The following EVI5 variants were observed in gnomAD, a reference collection of about 807,000 sequenced individuals.
EVI5 encodes ecotropic viral integration site 5.
EVI5 carries 73 observed loss-of-function variants against 112.0 expected under a neutral mutation model. The ratio of observed to expected loss-of-function variants is 0.65; its 90% CI spans 0.54 to 0.79. EVI5 has a LOEUF of 0.79. Ranked by LOEUF, EVI5 falls within the 30% of genes least tolerant of loss-of-function variation. The pLI is 0.00. For synonymous variants in EVI5, 305 were observed against 319.9 expected (o/e 0.95, Z 0.50); for missense variants, 900 against 968.8 (o/e 0.93, Z 0.94).
In EVI5 at chr1:92,595,471, C is replaced by T. The variant is rs192045434; in HGVS notation, c.2070+9836G>A. The stretch of plus-strand genomic sequence containing the variant: ...AGGAGATATACCTAATGTTAAATGA[C>T]GAGTTAATGGGTGCAGCACACCAGC... On this transcript the variant is annotated intron_variant, in intron 18 of 19. Coordinates refer to ENST00000684568, the MANE Select transcript of EVI5 (RefSeq NM_001350197.2). Among the ~76,000 whole-genome samples the T allele has an allele frequency of 2.1e-3, 327 of 152,154 alleles. 3 individuals are homozygous for T. The highest frequency in any genetic ancestry group is 7.4e-3 in the African/African-American group (309 of 41,522).
chr1:92,548,725 A>T lies in EVI5; in HGVS notation c.2166+14917T>A, dbSNP rs140194391. On this transcript the variant is annotated intron_variant, in intron 19 of 19. Coordinates refer to ENST00000684568, the MANE Select transcript of EVI5 (RefSeq NM_001350197.2). ...TAACAGACAAACAGAGAGCCAAATC[A>T]TGAGTGAACTCCTATTCACTATTGC... Among the ~76,000 whole-genome samples, 697 of 152,354 alleles carry T rather than the reference A, an allele frequency of 4.6e-3. 6 individuals carry two copies. Among genetic ancestry groups the T allele is most frequent in the African/African-American group, 0.016 (661 of 41,578 alleles).
rs539526721 is a variant in EVI5 at position 92,549,092 on chromosome 1, A to C, written c.2166+14550T>G. ...TGGAGGCATCACGCTACCTGACTTC[A>C]AACTATACTACAAGGCTACAGTAAC... On this transcript the variant is annotated intron_variant, in intron 19 of 19. Transcript: ENST00000684568. 1.1e-3 allele frequency among the ~76,000 whole-genome samples: 171 copies of C among 152,340 alleles called. 2 individuals are homozygous for C. In the East Asian group the frequency reaches 0.028, roughly 25 times the overall value.
chr1:92,784,992 G>A lies in EVI5; in HGVS notation c.-238C>T. 1.0e-6 allele frequency: 1 copy of A among 985,412 alleles called. No homozygotes were observed. Among genetic ancestry groups the A allele is most frequent in the Non-Finnish European group, 1.2e-6 (1 of 830,024 alleles). 61.0% of individuals were successfully genotyped at this position (985,412 alleles called of 1,614,324 possible). ...CACGCTCACTCAGAAGCTCAGGGCC[G>A]CCTCGCGACCCTCACCTACCCCTCC... On this transcript the variant is annotated 5_prime_UTR_variant, in exon 1 of 20. Coordinates refer to ENST00000684568, the MANE Select transcript of EVI5 (RefSeq NM_001350197.2).
chr1:92,661,428 TA>T (rs1479453547), intron 13 of EVI5, among the ~76,000 whole-genome samples: 2 of 152,120 alleles, frequency 1.3e-5, no homozygotes, highest in African/African-American at 4.8e-5. Context: ...AAAAACAATG[TA>T]AAAAATTTAA....
Position 92,509,387 on chromosome 1 carries a change from T to G in EVI5, c.*4269A>C, listed in dbSNP as rs1417613225. 1 of 152,596 alleles carries G rather than the reference T, an allele frequency of 6.6e-6. No homozygotes were observed. The highest frequency in any genetic ancestry group is 2.4e-5 in the African/African-American group (1 of 41,370). 9.5% of individuals were successfully genotyped at this position (152,596 alleles called of 1,614,324 possible). A position where few individuals can be genotyped will look rare whatever the true frequency, so the allele number is the denominator to read the frequency against. The stretch of plus-strand genomic sequence containing the variant: ...AGAAACCTGTCATCTCAGCAAACAC[T>G]GAATACCTAGTATCTAGCCAAAAAA... On this transcript the variant is annotated 3_prime_UTR_variant, in exon 20 of 20. Coordinates refer to ENST00000684568, the MANE Select transcript of EVI5 (RefSeq NM_001350197.2).
At chr1:92,560,463 A>G (rs973626537) in intron 19 of EVI5, among the ~76,000 whole-genome samples, 1 of 152,194 alleles carries the variant, frequency 6.6e-6, no homozygotes, top group Admixed American at 6.5e-5. Context: ...TAGTACCTAC[A>G]TGAGTGTGAT....
At chr1:92,735,763 TA>T (rs1177525198) in intron 2 of EVI5, among the ~76,000 whole-genome samples, 3 of 144,168 alleles carry the variant, frequency 2.1e-5, no homozygotes, top group African/African-American at 7.5e-5. Context: ...TATAATATGA[TA>T]TATGTTATAT....
Position 92,703,428 on chromosome 1 carries a change from GCTAT to G in EVI5, c.527_530del (p.Asp176AlafsTer10), listed in dbSNP as rs1671503836. Reference sequence around the variant, plus strand: ...CATTAAATAAAACCTCCTGTCCAAGGCTATCTTTTTCCTTAAAAAAGTTGTGTTC... The same window carrying G: ...CATTAAATAAAACCTCCTGTCCAAGGCTTTTTCCTTAAAAAAGTTGTGTTC... On this transcript the variant is annotated frameshift_variant, in exon 4 of 20. Transcript: ENST00000684568. LOFTEE classifies it high-confidence loss of function. 14 of 1,581,060 alleles carry G rather than the reference GCTAT, an allele frequency of 8.9e-6. No individual in the cohort carries two copies. The East Asian group carries it at 1.8e-4, about 21-fold the overall frequency.
chr1:92,731,682 T>C (rs1407809209), intron 2 of EVI5, among the ~76,000 whole-genome samples: 1 of 152,196 alleles, frequency 6.6e-6, no homozygotes, highest in African/African-American at 2.4e-5. Flanking sequence ...AGTATAGTGC[T>C]AGTATTAAGA....
intron 19 of EVI5, among the ~76,000 whole-genome samples, chr1:92,546,062 A>G (rs1456543517): frequency 6.6e-6 from 1 of 152,078 alleles, no homozygotes; most frequent in African/African-American, 2.4e-5. Flanking sequence ...TTATCAGTCT[A>G]AACTCATCAA....
intron 18 of EVI5, among the ~76,000 whole-genome samples, chr1:92,592,403 T>A (rs563388999): frequency 1.6e-3 from 238 of 152,334 alleles, no homozygotes; most frequent in Non-Finnish European, 2.8e-3. Context: ...CCAGAATCTC[T>A]GGGACACATT....
intron 2 of EVI5, chr1:92,733,251 T>TA (rs1676783945): frequency 4.9e-6 from 1 of 203,822 alleles, no homozygotes; most frequent in African/African-American, 2.3e-5. Flanking sequence ...TGTTGAATCT[T>TA]ACTTGGAATA....
chr1:92,777,932 G>A (rs535352851), intron 1 of EVI5, among the ~76,000 whole-genome samples: 45 of 149,380 alleles, frequency 3.0e-4, no homozygotes, highest in African/African-American at 1.1e-3. Context: ...TTTTTGTGAC[G>A]GAGTGTCACT....
At chr1:92,563,848 A>G in intron 18 of EVI5, 111 bp from the exon 19 acceptor site, 2 of 527,770 alleles carry the variant, frequency 3.8e-6, no homozygotes, top group Non-Finnish European at 6.8e-6. Context: ...TAATCACCTG[A>G]ATTCTGAACA....
chr1:92,765,201 AT>A (rs962961289), intron 1 of EVI5, among the ~76,000 whole-genome samples: 29 of 134,736 alleles, frequency 2.2e-4, no homozygotes, highest in South Asian at 7.3e-4. Flanking sequence ...AGGTTTCTGC[AT>A]TTTTTTTCCT....
chr1:92,675,068 C>T (rs914332387), intron 10 of EVI5, among the ~76,000 whole-genome samples: 4 of 152,206 alleles, frequency 2.6e-5, no homozygotes, highest in Admixed American at 6.5e-5. Flanking sequence ...AATGGCTGGG[C>T]GTGGTGGCTC....
At chr1:92,767,868 C>A (rs184675204) in intron 1 of EVI5, among the ~76,000 whole-genome samples, 1 of 152,060 alleles carries the variant, frequency 6.6e-6, no homozygotes, top group Non-Finnish European at 1.5e-5. Context: ...TCACTCGAGG[C>A]CAGGAGTTCG....
intron 14 of EVI5, among the ~76,000 whole-genome samples, chr1:92,627,483 G>A (rs918226158): frequency 1.3e-5 from 2 of 152,152 alleles, no homozygotes; most frequent in East Asian, 1.9e-4. Flanking sequence ...ATAAACATGC[G>A]TGTGCAAGTA....
chr1:92,561,657 CT>C (rs1188463321), intron 19 of EVI5, among the ~76,000 whole-genome samples: 8 of 145,128 alleles, frequency 5.5e-5, no homozygotes, highest in South Asian at 2.2e-4. Context: ...ATCTATCTAT[CT>C]ATCTATCAGA....
Sources: allele counts gnomAD v4.1 joint callset (sites outside exome capture counted in the v4.1 genomes callset), GRCh38; gene constraint gnomAD v4.1.1; transcripts MANE v1.5; gene names NCBI Gene and HGNC (gene_info 2026-07-23, HGNC 2026-07-21).